Variants in CLPB observed in about 807,000 individuals in gnomAD.
CLPB encodes mitochondrial disaggregase.
In CLPB, 40 loss-of-function variants were observed where a neutral mutation model predicts 78.4. The observed-to-expected ratio is 0.51, with a 90% confidence interval of 0.40 to 0.66. The LOEUF (loss-of-function observed/expected upper bound fraction) is 0.66, where lower values mean the gene tolerates loss of function less well. Among genes scored for constraint, CLPB ranks in the 30% least tolerant of loss-of-function variants. CLPB has a pLI of 0.00. For synonymous variants in CLPB, 333 were observed against 348.0 expected, an observed-to-expected ratio of 0.96 and a Z score of 0.48; for missense variants, 780 against 886.9, an observed-to-expected ratio of 0.88 and a Z score of 1.53.
At chr11:72,376,433 T>C (rs1424188368) in intron 4 of CLPB, among the ~76,000 whole-genome samples, 1 of 151,970 alleles carries the variant, frequency 6.6e-6, no homozygotes, top group Non-Finnish European at 1.5e-5. Flanking sequence ...AGACTATCAC[T>C]ATCCAGGTCC....
chr11:72,328,037 G>A (rs1167374192), intron 6 of CLPB, among the ~76,000 whole-genome samples: 1 of 152,134 alleles, frequency 6.6e-6, no homozygotes, highest in Non-Finnish European at 1.5e-5. Flanking sequence ...CCCATTCTAG[G>A]CACATGGTAG....
intron 4 of CLPB, among the ~76,000 whole-genome samples, chr11:72,379,225 T>C (rs1330490472): frequency 6.6e-6 from 1 of 152,088 alleles, no homozygotes; most frequent in Non-Finnish European, 1.5e-5. Flanking sequence ...TCCCCCAGCG[T>C]CAATATTCTG....
At chr11:72,318,546 A>G (rs1000768964) in intron 6 of CLPB, among the ~76,000 whole-genome samples, 1 of 152,230 alleles carries the variant, frequency 6.6e-6, no homozygotes, top group East Asian at 1.9e-4. Flanking sequence ...TTCTGGAAAG[A>G]GAGCTGTCAA....
chr11:72,343,605 G>A (rs766492296), intron 5 of CLPB, among the ~76,000 whole-genome samples: 1 of 152,174 alleles, frequency 6.6e-6, no homozygotes, highest in Non-Finnish European at 1.5e-5. Context: ...AAGGTGGTGG[G>A]AGGCTAGGAG....
chr11:72,430,431 G>T, intron 1 of CLPB, 68 bp from the exon 2 acceptor site: 1 of 1,424,196 alleles, frequency 7.0e-7, no homozygotes, highest in Non-Finnish European at 9.7e-7. Context: ...TGCGTGGAGG[G>T]CCCACTAAGA....
At chr11:72,395,043 C>T (rs2045810315) in intron 3 of CLPB, among the ~76,000 whole-genome samples, 1 of 152,176 alleles carries the variant, frequency 6.6e-6, no homozygotes, top group South Asian at 2.1e-4. Context: ...CCCCTACTCC[C>T]TATGTTACCA....
intron 4 of CLPB, among the ~76,000 whole-genome samples, chr11:72,367,977 T>TA (rs930599871): frequency 2.0e-5 from 3 of 152,230 alleles, no homozygotes; most frequent in Non-Finnish European, 4.4e-5. Flanking sequence ...GCTGTTAGGT[T>TA]AAAAAATATA....
intron 11 of CLPB, among the ~76,000 whole-genome samples, chr11:72,301,508 C>T (rs12222922): frequency 6.6e-6 from 1 of 152,158 alleles, no homozygotes; most frequent in African/African-American, 2.4e-5. Flanking sequence ...AGAGCTGGAA[C>T]TAAAAATTCA....
At chr11:72,400,737 A>G (rs981740891) in intron 3 of CLPB, among the ~76,000 whole-genome samples, 2 of 152,248 alleles carry the variant, frequency 1.3e-5, no homozygotes. Flanking sequence ...TGGGGGCATC[A>G]GGGACTAACA....
intron 4 of CLPB, among the ~76,000 whole-genome samples, chr11:72,374,459 G>C (rs1001006219): frequency 1.3e-5 from 2 of 152,208 alleles, no homozygotes; most frequent in Admixed American, 6.5e-5. Context: ...GCCACTCTGA[G>C]GGCTGGAGGG....
intron 4 of CLPB, among the ~76,000 whole-genome samples, chr11:72,362,857 G>A (rs1054527043): frequency 1.3e-5 from 2 of 152,210 alleles, no homozygotes; most frequent in African/African-American, 4.8e-5. Context: ...GAAAGGCACA[G>A]TGAGGTGGGC....
At chr11:72,407,478 T>C (rs1855742919) in intron 2 of CLPB, among the ~76,000 whole-genome samples, 1 of 152,226 alleles carries the variant, frequency 6.6e-6, no homozygotes, top group South Asian at 2.1e-4. Context: ...CTTCTGTATA[T>C]TGCAGGGTTT....
At chr11:72,309,680 A>C (rs1949808747) in intron 7 of CLPB, among the ~76,000 whole-genome samples, 1 of 152,166 alleles carries the variant, frequency 6.6e-6, no homozygotes. Context: ...TAAAAAAGTA[A>C]CATATGGCTG....
chr11:72,410,526 T>C (rs1034673553), intron 2 of CLPB, among the ~76,000 whole-genome samples: 1 of 152,216 alleles, frequency 6.6e-6, no homozygotes, highest in African/African-American at 2.4e-5. Flanking sequence ...ACTATTCTTA[T>C]CACTTTCCAA....
At chr11:72,337,610 T>C (rs1565446800) in intron 5 of CLPB, among the ~76,000 whole-genome samples, 1 of 152,210 alleles carries the variant, frequency 6.6e-6, no homozygotes, top group Non-Finnish European at 1.5e-5. Context: ...AAAGCTGGGA[T>C]TTAACATGGG....
Position 72,294,090 on chromosome 11 carries a change from G to A in CLPB, c.1717C>T (p.Arg573Cys), listed in dbSNP as rs186989806. 34 of 1,614,150 alleles carry A rather than the reference G, an allele frequency of 2.1e-5. No homozygotes were observed. The East Asian group carries it at 4.0e-4, about 19-fold the overall frequency. ...TCGACCAGCACATCTGCCACCTCGC[G>A]GTCCCAGAGCAGCGTGATGTTGTGC... ...QRHNITLLWD[R>C]EVADVLVDGY... is the part of the protein sequence containing the mutation. Residue 573 changes from arginine (R) to cysteine (C), a missense_variant, in exon 15 of 16, where the codon CGC becomes TGC. Transcript: ENST00000538039.
chr11:72,378,491 T>C (rs1384854270), intron 4 of CLPB, among the ~76,000 whole-genome samples: 1 of 152,216 alleles, frequency 6.6e-6, no homozygotes, highest in African/African-American at 2.4e-5. Flanking sequence ...ACTTATTCAC[T>C]ATCACAAGAA....
Position 72,301,875 on chromosome 11 carries a change from A to G in CLPB, c.1257T>C (p.Ala419=), listed in dbSNP as rs1949661945. ...LTKKLKQCPN[A]VVLFDEVDKA... Reference sequence around the variant, plus strand: ...TGTCTACTTCATCAAAGAGCACCACAGCATTGGGGCACTGCTTCAACTTCT... The same window carrying G: ...TGTCTACTTCATCAAAGAGCACCACGGCATTGGGGCACTGCTTCAACTTCT... Residue 419 remains alanine, a synonymous_variant, in exon 11 of 16, where the codon GCT becomes GCC. Coordinates refer to ENST00000538039, the MANE Select transcript of CLPB (RefSeq NM_001258392.3). 2 of 1,614,208 alleles carry G rather than the reference A, an allele frequency of 1.2e-6. No homozygotes were observed. Among genetic ancestry groups the G allele is most frequent in the East Asian group, 4.5e-5 (2 of 44,882 alleles).
At chr11:72,396,888 C>A (rs573511343) in intron 3 of CLPB, among the ~76,000 whole-genome samples, 74 of 152,290 alleles carry the variant, frequency 4.9e-4, no homozygotes, top group African/African-American at 1.7e-3. Context: ...AGAGGGATGA[C>A]AGCTTTTTAA....
Sources: allele counts gnomAD v4.1 joint callset (sites outside exome capture counted in the v4.1 genomes callset), GRCh38; gene constraint gnomAD v4.1.1; transcripts MANE v1.5; gene names NCBI Gene and HGNC (gene_info 2026-07-23, HGNC 2026-07-21).